Variants in MNDA observed in about 807,000 individuals in gnomAD.
The protein encoded by MNDA is myeloid cell nuclear differentiation antigen.
A neutral mutation model predicts 37.8 loss-of-function variants in MNDA; 43 were observed. The ratio of observed to expected loss-of-function variants is 1.14; its 90% CI spans 0.89 to 1.47. The LOEUF (loss-of-function observed/expected upper bound fraction) is 1.47. Ranked by LOEUF, MNDA falls within the 40% of genes most tolerant of loss-of-function variation. MNDA has a pLI of 0.00. For missense variants in MNDA, 536 were observed against 476.0 expected (o/e 1.13, Z -1.17); for synonymous variants, 181 against 169.0 (o/e 1.07, Z -0.55).
At chr1:158,832,172 G>C (rs1416768876) in intron 1 of MNDA, among the ~76,000 whole-genome samples, 1 of 151,938 alleles carries the variant, frequency 6.6e-6, no homozygotes, top group Non-Finnish European at 1.5e-5. Context: ...TTTGTGGCAA[G>C]GTATAATGAA....
At chr1:158,840,451 C>T (rs1659009184) in intron 1 of MNDA, among the ~76,000 whole-genome samples, 1 of 152,154 alleles carries the variant, frequency 6.6e-6, no homozygotes, top group Non-Finnish European at 1.5e-5. Context: ...CTCATGAGAA[C>T]TTGCTCACTA....
rs1558056542 is a variant in MNDA at position 158,842,234 on chromosome 1, C to CT, written c.83dup (p.Leu28PhefsTer5). On this transcript the variant is annotated frameshift_variant, in exon 2 of 7. Coordinates refer to ENST00000368141, the MANE Select transcript of MNDA (RefSeq NM_002432.3). LOFTEE classifies it high-confidence loss of function. ...ATTATCATTTTACATCAATTAAGTC[C>CT]TTACTGGCCTATGATTTAGGACTAA... 1 of 1,613,868 alleles carries CT rather than the reference C, an allele frequency of 6.2e-7. No individual in the cohort carries two copies.
chr1:158,846,083 A>G, intron 5 of MNDA, 80 bp downstream of exon 5: 1 of 1,279,482 alleles, frequency 7.8e-7, no homozygotes, highest in Non-Finnish European at 1.1e-6. Context: ...TACTGTCTGA[A>G]TATTGGAACA....
intron 4 of MNDA, 84 bp downstream of exon 4, chr1:158,844,206 T>A: frequency 2.5e-6 from 3 of 1,222,138 alleles, no homozygotes; most frequent in Non-Finnish European, 3.4e-6. Context: ...CTCTCATGCA[T>A]AACTCTTCAT....
rs190146020 is a variant in MNDA, at chr1:158,835,754, A to T, written c.-21+4197A>T. On this transcript the variant is annotated intron_variant, in intron 1 of 6. Transcript: ENST00000368141. The stretch of plus-strand genomic sequence containing the variant: ...CTTACCATTGGGAATAATGTTAGCT[A>T]TGGTGTTTTCGTATGTAGACTTTAC... Among the ~76,000 whole-genome samples, 515 of 151,960 alleles carry T rather than the reference A, an allele frequency of 3.4e-3. 5 individuals carry two copies. The highest frequency in any genetic ancestry group is 0.011 in the African/African-American group (465 of 41,474).
chr1:158,838,033 A>C (rs993364996), intron 1 of MNDA, among the ~76,000 whole-genome samples: 9 of 151,880 alleles, frequency 5.9e-5, no homozygotes, highest in Non-Finnish European at 1.3e-4. Flanking sequence ...TACAAATTGC[A>C]TTTATATAAT....
rs995810762 is a variant in MNDA at position 158,844,181 on chromosome 1, C to T, written c.570+59C>T. The T allele has an allele frequency of 5.8e-6, 8 of 1,369,834 alleles. No individual in the cohort carries two copies. In the African/African-American group the frequency reaches 1.2e-4, roughly 20 times the overall value. The allele number at this position is 1,369,834 out of a possible 1,614,324, so 84.9% of individuals were successfully genotyped here. ...TTTAACCCAGTCACAGTGCATTCCA[C>T]TGTTACTATTGTTACTCTCATGCAT... On this transcript the variant is annotated intron_variant, in intron 4 of 6. Transcript: ENST00000368141.
At chr1:158,843,811 G>A in intron 3 of MNDA, 144 bp from the exon 4 acceptor site, 1 of 695,620 alleles carries the variant, frequency 1.4e-6, no homozygotes, top group Non-Finnish European at 2.3e-6. Context: ...ATATCTTCAA[G>A]TGACAGATTG....
In MNDA at chr1:158,843,384, C is replaced by T. The variant is rs745597511; in HGVS notation, c.371C>T (p.Ser124Leu). ...CCCACCGCAAGAAACAAACTGACAT[C>T]GGAAGCAAGAGGGAGGATTCCTGTA... is the stretch of plus-strand genomic sequence containing the variant. Reference protein sequence around the residue: ...PAPTARNKLTSEARGRIPVAQ... With the variant: ...PAPTARNKLTLEARGRIPVAQ... The change falls in exon 3 of 7, where the codon TCG (serine) becomes TTG (leucine). Residue 124 changes from serine (S) to leucine (L), a missense_variant. Coordinates refer to ENST00000368141, the MANE Select transcript of MNDA (RefSeq NM_002432.3). 1.6e-5 allele frequency: 25 copies of T among 1,610,946 alleles called. No homozygotes were observed. The highest frequency in any genetic ancestry group is 1.9e-5 in the Non-Finnish European group (22 of 1,178,660).
intron 6 of MNDA, 89 bp from the exon 7 acceptor site, chr1:158,849,101 A>G (rs929375284): frequency 3.1e-5 from 30 of 973,512 alleles, no homozygotes; most frequent in African/African-American, 6.7e-5. Flanking sequence ...AATGGGAAGA[A>G]AAGATATGGC....
At chr1:158,842,441 T>G in intron 2 of MNDA, 23 bp downstream of exon 2, 1 of 1,592,264 alleles carries the variant, frequency 6.3e-7, no homozygotes, top group Non-Finnish European at 8.5e-7. Context: ...ACCTTGCACA[T>G]AGCTACTCTG....
intron 1 of MNDA, among the ~76,000 whole-genome samples, chr1:158,840,741 T>C (rs570869215): frequency 6.6e-6 from 1 of 152,338 alleles, no homozygotes; most frequent in African/African-American, 2.4e-5. Flanking sequence ...TATTTAATCT[T>C]TGTAGGTGTT....
At chr1:158,842,617 A>G in intron 2 of MNDA, 199 bp downstream of exon 2, 1 of 466,410 alleles carries the variant, frequency 2.1e-6, no homozygotes, top group East Asian at 3.3e-5. Flanking sequence ...TATATTTAGA[A>G]GAATGTATTT....
intron 5 of MNDA, among the ~76,000 whole-genome samples, chr1:158,846,996 A>G (rs779036367): frequency 2.2e-4 from 33 of 152,366 alleles, no homozygotes; most frequent in Admixed American, 7.8e-4. Flanking sequence ...GAAAGAATGA[A>G]TGATTGTGTT....
At chr1:158,834,526 T>C (rs1658870875) in intron 1 of MNDA, among the ~76,000 whole-genome samples, 1 of 152,214 alleles carries the variant, frequency 6.6e-6, no homozygotes, top group Admixed American at 6.5e-5. Context: ...AAAGCACTCA[T>C]CAAATATATA....
chr1:158,846,036 C>A, intron 5 of MNDA, 33 bp downstream of exon 5: 1 of 1,525,622 alleles, frequency 6.6e-7, no homozygotes, highest in Non-Finnish European at 8.8e-7. Flanking sequence ...ATTTTCTCTA[C>A]CATTACCTGG....
Position 158,845,917 on chromosome 1 carries a change from G to C in MNDA, c.901G>C (p.Glu301Gln), listed in dbSNP as rs751266784. ...TTTTGAGGTCCCAAACAGAATTATC[G>C]AAATAGCAAATAAAACTCCCAAGAT... ...QNFEVPNRIIEIANKTPKISQ... is the reference protein window; with the variant it reads ...QNFEVPNRIIQIANKTPKISQ... The change falls in exon 5 of 7, where the codon GAA (glutamate) becomes CAA (glutamine). Residue 301 changes from glutamate (E) to glutamine (Q), a missense_variant. Glu to Gln is a conservative substitution (Grantham distance 29). Coordinates refer to ENST00000368141, the MANE Select transcript of MNDA (RefSeq NM_002432.3). The C allele has an allele frequency of 2.5e-6, 4 of 1,613,934 alleles. No individual in the cohort carries two copies. In the African/African-American group the frequency reaches 5.3e-5, roughly 22 times the overall value.
At chr1:158,835,217 T>A (rs1438147428) in intron 1 of MNDA, among the ~76,000 whole-genome samples, 3 of 152,214 alleles carry the variant, frequency 2.0e-5, no homozygotes, top group Non-Finnish European at 2.9e-5. Context: ...CCTTGGGTAT[T>A]GACACCTTAA....
chr1:158,835,261 G>C (rs976998195), intron 1 of MNDA, among the ~76,000 whole-genome samples: 2 of 152,152 alleles, frequency 1.3e-5, no homozygotes, highest in Admixed American at 1.3e-4. Flanking sequence ...GGACACAGAT[G>C]CCTTCCCATG....
Sources: gnomAD v4.1 joint callset for allele counts (sites outside exome capture counted in the v4.1 genomes callset) on GRCh38, gnomAD v4.1.1 for gene constraint, MANE v1.5 for transcripts, NCBI Gene and HGNC (gene_info 2026-07-23, HGNC 2026-07-21) for gene names.